The following ROBO2 variants were observed in gnomAD, a reference collection of about 807,000 sequenced individuals.
ROBO2 encodes the protein roundabout guidance receptor 2.
ROBO2 carries 53 observed loss-of-function variants against 160.8 expected under a neutral mutation model. That is an observed-to-expected ratio of 0.33 (90% CI 0.26 to 0.41). The LOEUF (loss-of-function observed/expected upper bound fraction) is 0.41, where lower values mean the gene tolerates loss of function less well. Ranked by LOEUF, ROBO2 falls within the 10% of genes least tolerant of loss-of-function variation. The probability of loss-of-function intolerance (pLI) is 1.00; values close to 1 mark genes in which losing one functional copy is unlikely to be tolerated. For synonymous variants in ROBO2, 664 were observed against 611.7 expected, an observed-to-expected ratio of 1.09 and a Z score of -1.26; for missense variants, 1,577 against 1,722.4, an observed-to-expected ratio of 0.92 and a Z score of 1.49.
intron 2 of ROBO2, among the ~76,000 whole-genome samples, chr3:76,966,110 C>T (rs947705328): frequency 8.6e-5 from 13 of 151,460 alleles, no homozygotes; most frequent in Non-Finnish European, 8.8e-5. Flanking sequence ...TTAGTAGAGA[C>T]GGGGTTTCTC....
chr3:77,255,269 A>T (rs1463222293), intron 2 of ROBO2, among the ~76,000 whole-genome samples: 1 of 152,198 alleles, frequency 6.6e-6, no homozygotes, highest in East Asian at 1.9e-4. Flanking sequence ...GTAAAGAAAA[A>T]AGTTGGTAAA....
chr3:76,986,882 G>C (rs879830296), intron 2 of ROBO2, among the ~76,000 whole-genome samples: 1 of 145,928 alleles, frequency 6.9e-6, no homozygotes. Context: ...TAAACCCCTA[G>C]GCTGAGACAA....
Position 76,510,613 on chromosome 3 carries a change from A to ACTTG in ROBO2, c.109+573012_109+573015dup, listed in dbSNP as rs749462249. ...GTGGCAGGCACCTTTAGTCCCAGCTACTTGGGAGGCTGAGGCAGGAGAATT... is the reference window on the plus strand; with the variant it reads ...GTGGCAGGCACCTTTAGTCCCAGCTACTTGCTTGGGAGGCTGAGGCAGGAGAATT... On this transcript the variant is annotated intron_variant, in intron 2 of 26. Transcript: ENST00000487694. Among the ~76,000 whole-genome samples the ACTTG allele has an allele frequency of 9.6e-4, 146 of 152,260 alleles. 1 individual carries two copies. The highest frequency in any genetic ancestry group is 1.4e-3 in the Non-Finnish European group (94 of 68,016).
At chr3:77,321,388 A>G (rs550577425) in intron 2 of ROBO2, among the ~76,000 whole-genome samples, 34 of 152,180 alleles carry the variant, frequency 2.2e-4, no homozygotes, top group Admixed American at 5.9e-4. Flanking sequence ...ATGATGGCAC[A>G]CACCTGTGGT....
chr3:76,169,025 A>G (rs371226823), intron 2 of ROBO2, among the ~76,000 whole-genome samples: 4 of 152,234 alleles, frequency 2.6e-5, no homozygotes, highest in South Asian at 4.2e-4. Context: ...ATTAAGGTGC[A>G]TAATCCATTC....
chr3:76,668,003 A>G (rs1966804), intron 2 of ROBO2, among the ~76,000 whole-genome samples: 306 of 152,064 alleles, frequency 2.0e-3, no homozygotes, highest in African/African-American at 7.2e-3. Flanking sequence ...CATTTTATTT[A>G]AATTTTAAAA....
At chr3:76,699,352 T>C (rs139106850) in intron 2 of ROBO2, among the ~76,000 whole-genome samples, 1 of 152,306 alleles carries the variant, frequency 6.6e-6, no homozygotes, top group Non-Finnish European at 1.5e-5. Flanking sequence ...TTCTAGCGAC[T>C]TAGTTTAGGG....
At chr3:76,673,653 G>T (rs899470631) in intron 2 of ROBO2, among the ~76,000 whole-genome samples, 4 of 152,000 alleles carry the variant, frequency 2.6e-5, no homozygotes, top group Non-Finnish European at 5.9e-5. Context: ...ATTTAAAAAA[G>T]TTCAGATTGT....
At chr3:77,253,385 A>G (rs780022713) in intron 2 of ROBO2, among the ~76,000 whole-genome samples, 2 of 152,202 alleles carry the variant, frequency 1.3e-5, no homozygotes, top group Non-Finnish European at 2.9e-5. Context: ...GAGAAAAATG[A>G]CTTCTCAAGA....
chr3:76,631,710 A>G (rs1298288799), intron 2 of ROBO2, among the ~76,000 whole-genome samples: 1 of 152,164 alleles, frequency 6.6e-6, no homozygotes, highest in Non-Finnish European at 1.5e-5. Flanking sequence ...TCTTAATGGC[A>G]ACTGGCTATA....
chr3:76,622,902 G>A (rs1328409022), intron 2 of ROBO2, among the ~76,000 whole-genome samples: 1 of 152,118 alleles, frequency 6.6e-6, no homozygotes, highest in Non-Finnish European at 1.5e-5. Context: ...CAGGCGCTGA[G>A]GTCCTGATAT....
At chr3:76,774,575 T>C (rs1388817091) in intron 2 of ROBO2, among the ~76,000 whole-genome samples, 1 of 150,812 alleles carries the variant, frequency 6.6e-6, no homozygotes, top group Non-Finnish European at 1.5e-5. Flanking sequence ...TGTTGCTCCT[T>C]AAAAAGGCAA....
At chr3:76,456,053 T>G (rs1414078292) in intron 2 of ROBO2, among the ~76,000 whole-genome samples, 1 of 152,192 alleles carries the variant, frequency 6.6e-6, no homozygotes, top group Admixed American at 6.5e-5. Context: ...TTAGACTACA[T>G]ACAAGTTATA....
intron 2 of ROBO2, among the ~76,000 whole-genome samples, chr3:76,793,116 C>T (rs1252469820): frequency 6.6e-6 from 1 of 151,298 alleles, no homozygotes; most frequent in East Asian, 1.9e-4. Flanking sequence ...CCAAATTTTC[C>T]CATATATAGA....
At chr3:76,340,676 A>T (rs993563236) in intron 2 of ROBO2, among the ~76,000 whole-genome samples, 1 of 152,090 alleles carries the variant, frequency 6.6e-6, no homozygotes, top group Non-Finnish European at 1.5e-5. Context: ...CATTTGTTTA[A>T]TGGTTGGGAG....
intron 2 of ROBO2, among the ~76,000 whole-genome samples, chr3:76,252,410 C>T (rs1415449888): frequency 6.6e-6 from 1 of 152,042 alleles, no homozygotes; most frequent in Non-Finnish European, 1.5e-5. Context: ...ATGAAAGCAT[C>T]TAGGGAGACA....
chr3:77,509,811 A>G (rs932606624), intron 5 of ROBO2, among the ~76,000 whole-genome samples: 2 of 152,094 alleles, frequency 1.3e-5, no homozygotes, highest in African/African-American at 2.4e-5. Context: ...ACTAGGTTCA[A>G]GTAACTGTAC....
chr3:76,347,752 C>G (rs2074615686), intron 2 of ROBO2, among the ~76,000 whole-genome samples: 1 of 151,904 alleles, frequency 6.6e-6, no homozygotes, highest in South Asian at 2.1e-4. Context: ...AGAAATGGGT[C>G]TTTGATTGTG....
intron 2 of ROBO2, among the ~76,000 whole-genome samples, chr3:77,441,586 A>C (rs1007618679): frequency 4.6e-5 from 7 of 152,290 alleles, no homozygotes; most frequent in Admixed American, 1.3e-4. Context: ...AAATTATAAA[A>C]TGAGCTGTAC....
Sources: gnomAD v4.1 joint callset for allele counts (sites outside exome capture counted in the v4.1 genomes callset) on GRCh38, gnomAD v4.1.1 for gene constraint, MANE v1.5 for transcripts, NCBI Gene and HGNC (gene_info 2026-07-23, HGNC 2026-07-21) for gene names.